The following NRG3 variants were observed in gnomAD, a reference collection of about 807,000 sequenced individuals.
NRG3 encodes pro-neuregulin-3, membrane-bound isoform.
Under a neutral mutation model 66.9 loss-of-function variants are expected in NRG3, and 31 were observed. The ratio of observed to expected loss-of-function variants is 0.46; its 90% CI spans 0.35 to 0.63. The LOEUF (loss-of-function observed/expected upper bound fraction) is 0.63, where lower values mean the gene tolerates loss of function less well. NRG3 is among the 20% of genes least tolerant of loss of function. The pLI is 0.00. For missense variants in NRG3, 910 were observed against 878.9 expected (o/e 1.04, Z -0.45); for synonymous variants, 393 against 359.4 (o/e 1.09, Z -1.06).
At chr10:82,238,377 T>A (rs539888899) in intron 1 of NRG3, among the ~76,000 whole-genome samples, 2 of 152,322 alleles carry the variant, frequency 1.3e-5, no homozygotes, top group East Asian at 3.9e-4. Flanking sequence ...TTTTACTCAT[T>A]TAATCATCAT....
chr10:82,623,907 A>G (rs2049222549), intron 2 of NRG3, among the ~76,000 whole-genome samples: 1 of 152,138 alleles, frequency 6.6e-6, no homozygotes, highest in African/African-American at 2.4e-5. Context: ...GACATGTATG[A>G]TAGGGAAGGG....
chr10:82,761,922 C>CTCTTTCTTTCTCTTTCTTTCTT (rs1555028703), intron 3 of NRG3, among the ~76,000 whole-genome samples: 4 of 123,784 alleles, frequency 3.2e-5, no homozygotes, highest in African/African-American at 1.2e-4. Context: ...TTCTTTCTTT[C>CTCTTTCTTTCTCTTTCTTTCTT]TCTTTCTTTC....
chr10:82,344,278 T>A (rs1201473568), intron 1 of NRG3, among the ~76,000 whole-genome samples: 1 of 151,412 alleles, frequency 6.6e-6, no homozygotes, highest in Non-Finnish European at 1.5e-5. Flanking sequence ...GTGATCTCAT[T>A]GTTCAATTCC....
chr10:82,594,265 C>T (rs1490071068), intron 2 of NRG3, among the ~76,000 whole-genome samples: 2 of 152,138 alleles, frequency 1.3e-5, no homozygotes, highest in Non-Finnish European at 2.9e-5. Context: ...TATAAGAAAA[C>T]TCAGACTATA....
intron 3 of NRG3, among the ~76,000 whole-genome samples, chr10:82,749,453 C>G (rs1030046094): frequency 6.6e-6 from 1 of 152,124 alleles, no homozygotes; most frequent in African/African-American, 2.4e-5. Context: ...TACCTTTGCC[C>G]TCATCCTCTC....
chr10:82,404,737 A>T (rs975989881), intron 2 of NRG3, among the ~76,000 whole-genome samples: 4 of 152,192 alleles, frequency 2.6e-5, no homozygotes, highest in African/African-American at 9.7e-5. Flanking sequence ...GGAGTCTATT[A>T]CAGTTAATCT....
intron 3 of NRG3, among the ~76,000 whole-genome samples, chr10:82,806,242 C>G (rs932898290): frequency 6.6e-6 from 1 of 152,142 alleles, no homozygotes; most frequent in Non-Finnish European, 1.5e-5. Flanking sequence ...TTGACACTTC[C>G]TGTTATAAAT....
intron 1 of NRG3, among the ~76,000 whole-genome samples, chr10:82,268,464 C>G (rs185975417): frequency 6.6e-6 from 1 of 152,284 alleles, no homozygotes; most frequent in African/African-American, 2.4e-5. Context: ...GTCTTCATCA[C>G]ATCCCACCAT....
chr10:82,300,668 G>A (rs938952864), intron 1 of NRG3, among the ~76,000 whole-genome samples: 1 of 152,150 alleles, frequency 6.6e-6, no homozygotes, highest in Non-Finnish European at 1.5e-5. Context: ...GTGGCAAATG[G>A]TAGGGAAATT....
intron 1 of NRG3, chr10:82,340,906 A>C (rs2082654451): frequency 6.6e-6 from 1 of 152,196 alleles, no homozygotes; most frequent in Non-Finnish European, 1.5e-5. Flanking sequence ...AAAAATTAGA[A>C]AATGTAAGAC....
At chr10:82,449,304 A>G (rs2090903388) in intron 2 of NRG3, among the ~76,000 whole-genome samples, 1 of 152,216 alleles carries the variant, frequency 6.6e-6, no homozygotes, top group South Asian at 2.1e-4. Context: ...GACATTTTGC[A>G]AAACATAAAG....
chr10:82,196,438 G>A (rs7923144), intron 1 of NRG3, among the ~76,000 whole-genome samples: 1,984 of 152,148 alleles, frequency 0.013, 44 homozygotes, highest in African/African-American at 0.046. Context: ...AAGTACACTG[G>A]CCTGAGAAAT....
intron 4 of NRG3, among the ~76,000 whole-genome samples, chr10:82,910,983 A>G (rs1215288660): frequency 6.6e-6 from 1 of 152,206 alleles, no homozygotes; most frequent in African/African-American, 2.4e-5. Flanking sequence ...GCACAGATGG[A>G]CTGACTTTAA....
chr10:82,487,999 A>G (rs768829317), intron 2 of NRG3, among the ~76,000 whole-genome samples: 7 of 152,230 alleles, frequency 4.6e-5, no homozygotes, highest in Admixed American at 3.3e-4. Flanking sequence ...ATTATATTGT[A>G]TGTGTGCCAA....
At chr10:82,463,851 C>T (rs1297624979) in intron 2 of NRG3, among the ~76,000 whole-genome samples, 2 of 152,230 alleles carry the variant, frequency 1.3e-5, no homozygotes, top group African/African-American at 4.8e-5. Context: ...TGTCATATCA[C>T]TGCATGAATC....
chr10:82,303,575 C>T (rs983800946), intron 1 of NRG3, among the ~76,000 whole-genome samples: 1 of 151,954 alleles, frequency 6.6e-6, no homozygotes, highest in African/African-American at 2.4e-5. Flanking sequence ...AGTATAAATG[C>T]GCTGGGTAAA....
At chr10:82,510,656 T>C (rs1290087547) in intron 2 of NRG3, among the ~76,000 whole-genome samples, 1 of 152,182 alleles carries the variant, frequency 6.6e-6, no homozygotes, top group East Asian at 1.9e-4. Flanking sequence ...ATAGGAGTCA[T>C]GAAAGAGAGA....
rs182123178 is a variant in NRG3 at position 82,040,857 on chromosome 10, T to C, written c.823+164694T>C. Among the ~76,000 whole-genome samples, 163 of 152,208 alleles carry C rather than the reference T, an allele frequency of 1.1e-3. 1 individual carries two copies. Among genetic ancestry groups the C allele is most frequent in the Admixed American group, 9.6e-3 (147 of 15,240 alleles). Reference sequence around the variant, plus strand: ...TTTTTAGGTATATTTGAACAAAAACTGAAGTTCATGCATGTCAATTGTTCT... The same window carrying C: ...TTTTTAGGTATATTTGAACAAAAACCGAAGTTCATGCATGTCAATTGTTCT... On this transcript the variant is annotated intron_variant, in intron 1 of 8. Transcript: ENST00000372141.
intron 2 of NRG3, among the ~76,000 whole-genome samples, chr10:82,393,595 CT>C (rs879458672): frequency 2.0e-5 from 3 of 152,134 alleles, no homozygotes; most frequent in Non-Finnish European, 4.4e-5. Context: ...CATTTTGTCC[CT>C]TAGGAATGCA....
Sources: gnomAD v4.1 joint callset for allele counts (sites outside exome capture counted in the v4.1 genomes callset) on GRCh38, gnomAD v4.1.1 for gene constraint, MANE v1.5 for transcripts, NCBI Gene and HGNC (gene_info 2026-07-23, HGNC 2026-07-21) for gene names.